TENM1: variants seen among roughly 807,000 people sequenced by gnomAD.
TENM1 encodes teneurin transmembrane protein 1, also known as teneurin-1.
TENM1 carries 35 observed loss-of-function variants against 174.8 expected under a neutral mutation model. That is an observed-to-expected ratio of 0.20 (90% CI 0.15 to 0.27). TENM1 has a LOEUF of 0.27. Among genes scored for constraint, TENM1 ranks in the 10% least tolerant of loss-of-function variants. TENM1 has a pLI of 1.00. For missense variants in TENM1, 1,633 were observed against 2,130.1 expected (o/e 0.77, Z 4.59); for synonymous variants, 781 against 798.7 (o/e 0.98, Z 0.37).
intron 1 of TENM1, among the ~76,000 whole-genome samples, chrX:124,953,283 A>AT (rs1277323782): frequency 6.2e-5 from 7 of 112,161 alleles, no homozygotes; most frequent in African/African-American, 2.3e-4. Flanking sequence ...TGTAATTTGG[A>AT]TATAGTTCCA....
rs190787896 is a variant in TENM1, at chrX:124,640,183, C to T, written c.2077+1608G>A. Among the ~76,000 whole-genome samples the T allele has an allele frequency of 6.1e-3, 674 of 110,936 alleles. 5 individuals carry two copies. The highest frequency in any genetic ancestry group is 0.021 in the African/African-American group (629 of 30,459). ...ATATGGTTTTTAAGATTTTCATTTT[C>T]GTTATTATTAGATTACCTTTAGCAT... On this transcript the variant is annotated intron_variant, in intron 11 of 31. Coordinates refer to ENST00000422452, the Ensembl canonical transcript of TENM1.
At chrX:124,476,056 G>A (rs1197769421) in intron 22 of TENM1, among the ~76,000 whole-genome samples, 3 of 111,590 alleles carry the variant, frequency 2.7e-5, no homozygotes, top group East Asian at 5.6e-4. Context: ...AAATGGCTTT[G>A]TTACCAAGAT....
intron 3 of TENM1, among the ~76,000 whole-genome samples, chrX:124,857,201 CAGT>C (rs750992452): frequency 3.6e-5 from 4 of 110,812 alleles, no homozygotes; most frequent in African/African-American, 1.3e-4. Context: ...ATCATATTCT[CAGT>C]AGAACATATA....
the TENM1 span, among the ~76,000 whole-genome samples, chrX:125,042,746 T>C: frequency 9.0e-6 from 1 of 111,470 alleles, no homozygotes; most frequent in South Asian, 3.7e-4. Flanking sequence ...TCCTCTTTTG[T>C]AATATATATT....
intron 18 of TENM1, among the ~76,000 whole-genome samples, chrX:124,511,784 G>A (rs1291414876): frequency 8.9e-6 from 1 of 111,898 alleles, no homozygotes; most frequent in Admixed American, 9.5e-5. Context: ...ATTTATGAAC[G>A]CTAAAGCATC....
chrX:124,644,170 CATAT>C (rs754020007), intron 10 of TENM1, among the ~76,000 whole-genome samples: 6 of 93,874 alleles, frequency 6.4e-5, no homozygotes, highest in Non-Finnish European at 8.3e-5. Flanking sequence ...GCATATATGG[CATAT>C]ATATATATAG....
the TENM1 span, among the ~76,000 whole-genome samples, chrX:125,085,419 A>G: frequency 3.6e-5 from 4 of 110,784 alleles, no homozygotes; most frequent in African/African-American, 9.8e-5. Flanking sequence ...GTAATTTTCT[A>G]GTTACAAGAT....
intron 27 of TENM1, among the ~76,000 whole-genome samples, chrX:124,397,936 G>C (rs905188979): frequency 7.4e-5 from 8 of 108,219 alleles, no homozygotes; most frequent in African/African-American, 2.3e-4. Context: ...GGATAGAAAA[G>C]TCACAGTTGG....
At position 124,565,367 on chromosome X, in the gene TENM1, G is replaced by T; in HGVS notation, c.2263+8C>A. The stretch of plus-strand genomic sequence containing the variant: ...AACTTACTTTGGTTAAAGTATGGTG[G>T]TACTTACCAATTGTGCAGTGGTCGC... On this transcript the variant is annotated splice_region_variant and intron_variant, in intron 12 of 31. Coordinates refer to ENST00000422452, the Ensembl canonical transcript of TENM1. 1 of 1,172,124 alleles carries T rather than the reference G, an allele frequency of 8.5e-7. No individual in the cohort carries two copies. The highest frequency in any genetic ancestry group is 1.1e-6 in the Non-Finnish European group (1 of 872,152).
At chrX:124,721,674 C>T (rs759380816) in intron 4 of TENM1, among the ~76,000 whole-genome samples, 9 of 112,079 alleles carry the variant, frequency 8.0e-5, no homozygotes, top group Non-Finnish European at 1.1e-4. Flanking sequence ...ATTGTTTGCA[C>T]AGGACTTACA....
the TENM1 span, among the ~76,000 whole-genome samples, chrX:124,969,638 A>G: frequency 8.9e-6 from 1 of 112,053 alleles, no homozygotes; most frequent in African/African-American, 3.2e-5. Context: ...TTTTGCAGAT[A>G]AAGAAAACCA....
At chrX:124,825,000 C>G (rs961629030) in intron 3 of TENM1, among the ~76,000 whole-genome samples, 1 of 109,968 alleles carries the variant, frequency 9.1e-6, no homozygotes, top group Admixed American at 9.8e-5. Flanking sequence ...CCTCATTACA[C>G]AAAGGTAACT....
intron 6 of TENM1, among the ~76,000 whole-genome samples, chrX:124,660,085 A>G (rs1268930587): frequency 1.8e-5 from 2 of 111,945 alleles, no homozygotes; most frequent in Admixed American, 1.9e-4. Flanking sequence ...TTTCTTAGAC[A>G]TGACATCAAA....
exon 30 of TENM1, chrX:124,384,099 A>G: frequency 2.5e-6 from 3 of 1,211,876 alleles, no homozygotes; most frequent in Non-Finnish European, 3.4e-6. Context: ...AGGTCTGCAT[A>G]AAAGAACTGA....
At chrX:125,200,629 CCG>C in the TENM1 span, among the ~76,000 whole-genome samples, 3 of 79,176 alleles carry the variant, frequency 3.8e-5, no homozygotes, top group African/African-American at 5.9e-5. Flanking sequence ...GCAATTGCTT[CCG>C]TGTGTGTGTG....
chrX:124,992,987 A>T, the TENM1 span, among the ~76,000 whole-genome samples: 1 of 111,222 alleles, frequency 9.0e-6, no homozygotes, highest in East Asian at 2.8e-4. Flanking sequence ...TAAATAGACA[A>T]GACTAGTGGC....
At chrX:125,044,689 T>C in the TENM1 span, among the ~76,000 whole-genome samples, 2 of 111,303 alleles carry the variant, frequency 1.8e-5, no homozygotes, top group African/African-American at 3.3e-5. Context: ...TTGTGGCATA[T>C]TGTCAACCTT....
chrX:124,804,745 C>T lies in TENM1; in HGVS notation c.536-67548G>A, dbSNP rs772578778. ...TTGTTTTCCTAGAATTATATTTTAC[C>T]AATAGATATAACAAAGTTTGACACT... On this transcript the variant is annotated intron_variant, in intron 3 of 31. Coordinates refer to ENST00000422452, the Ensembl canonical transcript of TENM1. Among the ~76,000 whole-genome samples, 4 of 111,262 alleles carry T rather than the reference C, an allele frequency of 3.6e-5. No homozygotes were observed. The South Asian group carries it at 1.5e-3, about 42-fold the overall frequency.
chrX:124,819,467 A>G (rs1026784490), intron 3 of TENM1, among the ~76,000 whole-genome samples: 2 of 111,346 alleles, frequency 1.8e-5, no homozygotes, highest in Admixed American at 9.6e-5. Context: ...ACCAGAATCT[A>G]GAATTGGCAC....
Sources: allele counts gnomAD v4.1 joint callset (sites outside exome capture counted in the v4.1 genomes callset), GRCh38; gene constraint gnomAD v4.1.1; transcripts MANE v1.5; gene names NCBI Gene and HGNC (gene_info 2026-07-23, HGNC 2026-07-21).